Variants in MBD5 observed in about 807,000 individuals in gnomAD.
The protein encoded by MBD5 is methyl-CpG-binding domain protein 5.
MBD5 carries 13 observed loss-of-function variants against 117.3 expected under a neutral mutation model. The observed-to-expected ratio is 0.11, with a 90% CI of 0.07 to 0.18. MBD5 has a LOEUF of 0.18. MBD5 is among the 10% of genes least tolerant of loss of function. The pLI is 1.00. For missense variants in MBD5, 1,879 were observed against 2,093.8 expected, an observed-to-expected ratio of 0.90 and a Z score of 2.00; for synonymous variants, 727 against 766.4, an observed-to-expected ratio of 0.95 and a Z score of 0.85.
At chr2:148,140,102 T>A (rs1456668140) in intron 1 of MBD5, among the ~76,000 whole-genome samples, 1 of 152,202 alleles carries the variant, frequency 6.6e-6, no homozygotes, top group Non-Finnish European at 1.5e-5. Flanking sequence ...AATTAAAGGA[T>A]TTCTCTATAT....
At chr2:148,462,471 C>T (rs1707119209) in intron 5 of MBD5, 111 bp from the exon 6 acceptor site, 3 of 731,822 alleles carry the variant, frequency 4.1e-6, no homozygotes. Flanking sequence ...ATGCTTTTCC[C>T]TAGTGGGAAA....
At chr2:148,034,448 T>C (rs1477593176) in intron 1 of MBD5, among the ~76,000 whole-genome samples, 1 of 152,208 alleles carries the variant, frequency 6.6e-6, no homozygotes, top group African/African-American at 2.4e-5. Flanking sequence ...AAATAAGGTT[T>C]AAAAACCATG....
intron 4 of MBD5, among the ~76,000 whole-genome samples, chr2:148,390,661 G>T (rs1472601187): frequency 1.3e-5 from 2 of 151,518 alleles, no homozygotes; most frequent in Non-Finnish European, 2.9e-5. Context: ...CGGTAACCGT[G>T]ACCTCCTGGG....
At chr2:148,383,188 C>A (rs1312873698) in intron 4 of MBD5, among the ~76,000 whole-genome samples, 2 of 151,698 alleles carry the variant, frequency 1.3e-5, no homozygotes, top group African/African-American at 4.8e-5. Flanking sequence ...GAAAAGATCA[C>A]CAAAATTGAT....
intron 3 of MBD5, among the ~76,000 whole-genome samples, chr2:148,270,131 A>G (rs552576456): frequency 6.6e-6 from 1 of 152,024 alleles, no homozygotes; most frequent in African/African-American, 2.4e-5. Context: ...ACTGTGGTAG[A>G]TGTGATTCAT....
chr2:148,102,965 T>G (rs1330101955), intron 1 of MBD5, among the ~76,000 whole-genome samples: 2 of 152,052 alleles, frequency 1.3e-5, no homozygotes, highest in Non-Finnish European at 2.9e-5. Context: ...GCATAATTTA[T>G]TATATGTTGT....
chr2:148,216,353 A>G (rs1699554030), intron 2 of MBD5, among the ~76,000 whole-genome samples: 1 of 152,218 alleles, frequency 6.6e-6, no homozygotes, highest in African/African-American at 2.4e-5. Flanking sequence ...GAGCTACGAA[A>G]CTACCCCAAG....
intron 1 of MBD5, among the ~76,000 whole-genome samples, chr2:148,146,278 G>C (rs1366730109): frequency 4.6e-5 from 7 of 151,596 alleles, no homozygotes; most frequent in Non-Finnish European, 2.9e-5. Flanking sequence ...TTGTTTTTTT[G>C]AGACAGGGTC....
intron 3 of MBD5, among the ~76,000 whole-genome samples, chr2:148,271,724 T>G (rs942938899): frequency 6.6e-6 from 1 of 152,208 alleles, no homozygotes; most frequent in Non-Finnish European, 1.5e-5. Context: ...ATGTATACAT[T>G]GTGAATTGGC....
chr2:148,451,087 G>A (rs1035716261), intron 4 of MBD5, among the ~76,000 whole-genome samples: 1 of 152,174 alleles, frequency 6.6e-6, no homozygotes, highest in Non-Finnish European at 1.5e-5. Context: ...GACATCTGAA[G>A]CTAGAGAATA....
intron 2 of MBD5, among the ~76,000 whole-genome samples, chr2:148,218,127 G>T (rs1164903659): frequency 6.6e-6 from 1 of 152,024 alleles, no homozygotes; most frequent in Non-Finnish European, 1.5e-5. Context: ...ATATGGCATG[G>T]GACTTAAGAG....
chr2:148,122,371 TA>T (rs1259116032), intron 1 of MBD5, among the ~76,000 whole-genome samples: 1 of 152,166 alleles, frequency 6.6e-6, no homozygotes, highest in Non-Finnish European at 1.5e-5. Context: ...TTGCCTTAAT[TA>T]AAAGAGGAAT....
At chr2:148,466,410 A>C (rs1707260172) in intron 7 of MBD5, among the ~76,000 whole-genome samples, 1 of 152,132 alleles carries the variant, frequency 6.6e-6, no homozygotes, top group Non-Finnish European at 1.5e-5. Flanking sequence ...AACCACAGTT[A>C]TTATCTAAAT....
At chr2:148,512,018 A>G (rs1320943688) in intron 13 of MBD5, among the ~76,000 whole-genome samples, 1 of 152,182 alleles carries the variant, frequency 6.6e-6, no homozygotes, top group Non-Finnish European at 1.5e-5. Flanking sequence ...CACCACAGAA[A>G]CTGGCAAAAT....
intron 1 of MBD5, among the ~76,000 whole-genome samples, chr2:148,171,034 T>C (rs895018190): frequency 1.3e-5 from 2 of 152,204 alleles, no homozygotes; most frequent in Admixed American, 1.3e-4. Flanking sequence ...TGATGGCTTA[T>C]GGCAAAATTC....
rs1300839809 is a variant in MBD5, at chr2:148,403,986, A to G, written c.-556-54217A>G. 2.6e-5 allele frequency among the ~76,000 whole-genome samples: 4 copies of G among 152,148 alleles called. No homozygotes were observed. In the East Asian group the frequency reaches 7.7e-4, roughly 29 times the overall value. On this transcript the variant is annotated intron_variant, in intron 4 of 13. Coordinates refer to ENST00000642680, the MANE Select transcript of MBD5 (RefSeq NM_001378120.1). ...ATATAAATGAAATTATAGAGTATAT[A>G]AACTTTGGGTATTGGCTTTTTCATT...
chr2:148,265,512 A>G (rs1481924327), intron 3 of MBD5, among the ~76,000 whole-genome samples: 2 of 150,456 alleles, frequency 1.3e-5, no homozygotes, highest in South Asian at 2.1e-4. Context: ...GATTATTTAC[A>G]GTTTTCTGTC....
intron 4 of MBD5, among the ~76,000 whole-genome samples, chr2:148,384,992 C>T (rs1704300141): frequency 6.6e-6 from 1 of 152,172 alleles, no homozygotes; most frequent in Non-Finnish European, 1.5e-5. Context: ...CATGTTAGAC[C>T]TAAAACCATC....
chr2:148,074,507 G>GTTTTTTTTTTTTGTTTTTTTTTTTGT (rs11443189), intron 1 of MBD5, among the ~76,000 whole-genome samples: 2 of 113,772 alleles, frequency 1.8e-5, no homozygotes, highest in African/African-American at 6.9e-5. Context: ...TTTTTTTTTT[G>GTTTTTTTTTTTTGTTTTTTTTTTTGT]TTTTTTTTTT....
Sources: allele counts gnomAD v4.1 joint callset (sites outside exome capture counted in the v4.1 genomes callset), GRCh38; gene constraint gnomAD v4.1.1; transcripts MANE v1.5; gene names NCBI Gene and HGNC (gene_info 2026-07-23, HGNC 2026-07-21).